SLC39A12: variants seen among roughly 807,000 people sequenced by gnomAD.
SLC39A12 encodes the protein zinc transporter ZIP12.
A neutral mutation model predicts 71.1 loss-of-function variants in SLC39A12; 63 were observed. That is an observed-to-expected ratio of 0.89 (90% CI 0.72 to 1.09). The LOEUF is 1.09. Among genes scored for constraint, SLC39A12 ranks in the 50% least tolerant of loss-of-function variants. SLC39A12 has a pLI of 0.00. For missense variants in SLC39A12, 892 were observed against 812.6 expected (o/e 1.10, Z -1.19); for synonymous variants, 351 against 301.3 (o/e 1.16, Z -1.71).
chr10:17,962,590 A>G (rs1834720074), intron 3 of SLC39A12, among the ~76,000 whole-genome samples: 1 of 151,800 alleles, frequency 6.6e-6, no homozygotes, highest in South Asian at 2.1e-4. Context: ...AGCCATTACT[A>G]CATTTTGAAG....
chr10:17,970,909 T>C (rs1003225302), intron 4 of SLC39A12, among the ~76,000 whole-genome samples: 1 of 152,092 alleles, frequency 6.6e-6, no homozygotes, highest in Non-Finnish European at 1.5e-5. Context: ...TTCAGTTTGT[T>C]CTCATTCATT....
intron 10 of SLC39A12, among the ~76,000 whole-genome samples, chr10:17,998,257 A>G (rs1835740198): frequency 6.6e-6 from 1 of 152,034 alleles, no homozygotes; most frequent in Non-Finnish European, 1.5e-5. Context: ...ATCAGAGATA[A>G]CAAAATAATA....
rs1407183255 is a variant in SLC39A12, at chr10:18,036,786, A to ATTTTTTTT, written c.1948-5918_1948-5917insTTTTTTTT. 1.3e-3 allele frequency among the ~76,000 whole-genome samples: 12 copies of ATTTTTTTT among 9,458 alleles called. 1 individual carries two copies. Among genetic ancestry groups the ATTTTTTTT allele is most frequent in the African/African-American group, 2.5e-3 (7 of 2,802 alleles). 6.2% of individuals were successfully genotyped at this position (9,458 alleles called of 152,430 possible). A position where few individuals can be genotyped will look rare whatever the true frequency, so the allele number is the denominator to read the frequency against. On this transcript the variant is annotated intron_variant, in intron 12 of 12. Coordinates refer to ENST00000377369, the MANE Select transcript of SLC39A12 (RefSeq NM_001145195.2). ...TATATATATATATATATATATATAT[A>ATTTTTTTT]TATATATATTTTTTTTTTTAATGGA...
intron 12 of SLC39A12, among the ~76,000 whole-genome samples, chr10:18,040,492 A>G (rs1211803967): frequency 6.6e-6 from 1 of 152,050 alleles, no homozygotes; most frequent in Non-Finnish European, 1.5e-5. Flanking sequence ...CAACCTGGCC[A>G]GGCATGGTGG....
intron 12 of SLC39A12, among the ~76,000 whole-genome samples, chr10:18,021,411 G>A (rs1195016640): frequency 3.9e-5 from 6 of 151,980 alleles, no homozygotes; most frequent in Non-Finnish European, 7.4e-5. Flanking sequence ...TTGGCTTAAA[G>A]TCTGTTTTGT....
chr10:17,967,384 G>A (rs770583771), intron 4 of SLC39A12, among the ~76,000 whole-genome samples: 1 of 152,024 alleles, frequency 6.6e-6, no homozygotes, highest in Non-Finnish European at 1.5e-5. Flanking sequence ...TAATTATTTA[G>A]GGCTTATAAA....
chr10:18,036,794 A>ATATATTTTTTTT (rs1554855475), intron 12 of SLC39A12, among the ~76,000 whole-genome samples: 3 of 92,862 alleles, frequency 3.2e-5, no homozygotes, highest in African/African-American at 4.5e-5. Context: ...ATATATATAT[A>ATATATTTTTTTT]TTTTTTTTTT....
At chr10:18,037,831 C>T (rs1019996796) in intron 12 of SLC39A12, among the ~76,000 whole-genome samples, 1 of 151,426 alleles carries the variant, frequency 6.6e-6, no homozygotes, top group African/African-American at 2.4e-5. Context: ...ACCATCTTGG[C>T]CAACATCATG....
intron 12 of SLC39A12, among the ~76,000 whole-genome samples, chr10:18,027,616 C>A (rs913215186): frequency 6.6e-6 from 1 of 152,206 alleles, no homozygotes; most frequent in African/African-American, 2.4e-5. Context: ...ATTTTCTTAA[C>A]CTTCCACTGA....
intron 2 of SLC39A12, among the ~76,000 whole-genome samples, chr10:17,958,031 C>G (rs145620762): frequency 1.3e-5 from 2 of 152,280 alleles, no homozygotes; most frequent in African/African-American, 4.8e-5. Context: ...CTTTCCAAAG[C>G]CAGAAACCAA....
intron 12 of SLC39A12, among the ~76,000 whole-genome samples, chr10:18,014,202 CTTCTTTTTGATGATATTGTAAA>C (rs1279534747): frequency 2.0e-5 from 3 of 151,936 alleles, no homozygotes; most frequent in African/African-American, 4.8e-5. Flanking sequence ...TAGGTATTTT[CTTCTTTTTGATGATATTGTAAA>C]TACATTTGTT....
chr10:18,005,061 C>G (rs1331457739), intron 12 of SLC39A12, among the ~76,000 whole-genome samples: 3 of 109,522 alleles, frequency 2.7e-5, no homozygotes, highest in African/African-American at 1.1e-4. Flanking sequence ...ACAACACACA[C>G]TGGGGCCTGT....
At chr10:18,009,201 A>T (rs1252099085) in intron 12 of SLC39A12, among the ~76,000 whole-genome samples, 1 of 152,126 alleles carries the variant, frequency 6.6e-6, no homozygotes. Context: ...GGACTATAGA[A>T]ACCTCAAGGG....
At chr10:18,034,553 G>C (rs1254511025) in intron 12 of SLC39A12, among the ~76,000 whole-genome samples, 7 of 150,862 alleles carry the variant, frequency 4.6e-5, no homozygotes, top group African/African-American at 1.5e-4. Context: ...CTGCACATGA[G>C]ATGGGTTTCC....
chr10:18,008,202 C>T (rs936245193), intron 12 of SLC39A12, among the ~76,000 whole-genome samples: 4 of 152,174 alleles, frequency 2.6e-5, no homozygotes, highest in Non-Finnish European at 5.9e-5. Context: ...GAAGCTTCAT[C>T]TGTACTTACA....
intron 12 of SLC39A12, among the ~76,000 whole-genome samples, chr10:18,039,380 A>G (rs879449788): frequency 4.6e-5 from 7 of 152,212 alleles, no homozygotes; most frequent in African/African-American, 1.4e-4. Flanking sequence ...GTGGTGGCCT[A>G]TGTTGTCTGG....
intron 12 of SLC39A12, among the ~76,000 whole-genome samples, chr10:18,036,842 A>G (rs549368519): frequency 7.3e-6 from 1 of 137,522 alleles, no homozygotes; most frequent in South Asian, 2.4e-4. Flanking sequence ...CCTGCGGTGC[A>G]GTGGCACAGT....
rs183744006 is a variant in SLC39A12 at position 17,999,900 on chromosome 10, A to G, written c.1601-767A>G. Among the ~76,000 whole-genome samples, 3 of 152,342 alleles carry G rather than the reference A, an allele frequency of 2.0e-5. No individual in the cohort carries two copies. The East Asian group carries it at 5.8e-4, about 29-fold the overall frequency. ...ACAATCACACAGTGACAGAAAGCAC[A>G]CTGCCCTAGATTGACACAGAACAGT... is the stretch of plus-strand genomic sequence containing the variant. On this transcript the variant is annotated intron_variant, in intron 10 of 12. Transcript: ENST00000377369.
chr10:18,021,317 T>C (rs1350181095), intron 12 of SLC39A12, among the ~76,000 whole-genome samples: 1 of 151,962 alleles, frequency 6.6e-6, no homozygotes, highest in Non-Finnish European at 1.5e-5. Context: ...CCTGTTCCAT[T>C]GGTTGGATAA....
Sources: allele counts gnomAD v4.1 joint callset (sites outside exome capture counted in the v4.1 genomes callset), GRCh38; gene constraint gnomAD v4.1.1; transcripts MANE v1.5; gene names NCBI Gene and HGNC (gene_info 2026-07-23, HGNC 2026-07-21).